Variants in MINAR1 observed in about 807,000 individuals in gnomAD.
The protein encoded by MINAR1 is membrane integral NOTCH2 associated receptor 1.
MINAR1 carries 40 observed loss-of-function variants against 65.1 expected under a neutral mutation model. The observed-to-expected ratio is 0.61, with a 90% CI of 0.48 to 0.80. MINAR1 has a LOEUF of 0.80. MINAR1 is among the 30% of genes least tolerant of loss of function. The probability of loss-of-function intolerance (pLI) is 0.00; values close to 1 mark genes in which losing one functional copy is unlikely to be tolerated. For synonymous variants in MINAR1, 482 were observed against 449.1 expected, an observed-to-expected ratio of 1.07 and a Z score of -0.93; for missense variants, 1,128 against 1,148.0, an observed-to-expected ratio of 0.98 and a Z score of 0.25.
At chr15:79,432,253 C>T (rs1045877061), upstream of MINAR1, among the ~76,000 whole-genome samples, 1 of 152,124 alleles carries the variant, frequency 6.6e-6, no homozygotes, top group African/African-American at 2.4e-5. Context: ...GTCCGAGCGC[C>T]CCCTTCAGCC....
intron 1 of MINAR1, among the ~76,000 whole-genome samples, chr15:79,454,204 T>G (rs1184270593): frequency 6.6e-6 from 1 of 152,180 alleles, no homozygotes; most frequent in Non-Finnish European, 1.5e-5. Context: ...GAACAGAACC[T>G]CTCAAGGGTT....
chr15:79,461,125 A>G (rs1421816874), intron 2 of MINAR1, among the ~76,000 whole-genome samples: 1 of 152,236 alleles, frequency 6.6e-6, no homozygotes, highest in Non-Finnish European at 1.5e-5. Flanking sequence ...TTTATTGAAA[A>G]TACGTATTAT....
intron 1 of MINAR1, among the ~76,000 whole-genome samples, chr15:79,450,578 G>T (rs2141287060): frequency 6.6e-6 from 1 of 151,690 alleles, no homozygotes; most frequent in South Asian, 2.1e-4. Context: ...CAGCCAATTT[G>T]TTATTCCCCT....
chr15:79,447,557 T>C (rs1291358325), intron 1 of MINAR1, among the ~76,000 whole-genome samples: 1 of 152,224 alleles, frequency 6.6e-6, no homozygotes, highest in Non-Finnish European at 1.5e-5. Flanking sequence ...TTGTGTGTTG[T>C]AATTTTTAAA....
intron 1 of MINAR1, among the ~76,000 whole-genome samples, chr15:79,449,579 A>C (rs1895127024): frequency 6.6e-6 from 1 of 152,210 alleles, no homozygotes; most frequent in Admixed American, 6.5e-5. Flanking sequence ...CATGAAACCC[A>C]TTCATTAGGG....
chr15:79,465,368 A>T (rs1895801985), intron 3 of MINAR1, among the ~76,000 whole-genome samples: 1 of 152,140 alleles, frequency 6.6e-6, no homozygotes, highest in Admixed American at 6.5e-5. Flanking sequence ...ATTCACCATC[A>T]GTGGTGCCCA....
rs1260311023 is a variant in MINAR1, at chr15:79,468,473, TGAAATG to T, written c.*92_*97del. 3.4e-6 allele frequency: 4 copies of T among 1,181,544 alleles called. No individual in the cohort carries two copies. Among genetic ancestry groups the T allele is most frequent in the African/African-American group, 1.5e-5 (1 of 65,238 alleles). The allele number at this position is 1,181,544 out of a possible 1,614,324, so 73.2% of individuals were successfully genotyped here. On this transcript the variant is annotated 3_prime_UTR_variant, in exon 4 of 4. Transcript: ENST00000305428. Reference sequence around the variant, plus strand: ...TTGCAGCAGTGAGGCAACAATTTGTTGAAATGGAGATGAAATCATGGAGGCATTTCT... The same window carrying T: ...TTGCAGCAGTGAGGCAACAATTTGTTGAGATGAAATCATGGAGGCATTTCT...
In MINAR1 at chr15:79,458,363, C is replaced by T; in HGVS notation, c.2216C>T (p.Thr739Ile). 1 of 1,614,196 alleles carries T rather than the reference C, an allele frequency of 6.2e-7. No individual in the cohort carries two copies. The highest frequency in any genetic ancestry group is 8.5e-7 in the Non-Finnish European group (1 of 1,180,034). ...AGAGACTGGCGCACCATCACTTATA[C>T]CAACCGTGTGGGCCTCAATGAGGAG... Reference protein sequence around the residue: ...SPRDWRTITYTNRVGLNEEEI... With the variant: ...SPRDWRTITYINRVGLNEEEI... The change falls in exon 2 of 4, where the codon ACC (threonine) becomes ATC (isoleucine). Residue 739 changes from threonine (T) to isoleucine (I), a missense_variant. Physicochemically the swap from Thr to Ile is moderately conservative, Grantham distance 89. Coordinates refer to ENST00000305428, the MANE Select transcript of MINAR1 (RefSeq NM_015206.3).
rs762959118 is a variant in MINAR1 at position 79,456,287 on chromosome 15, G to A, written c.140G>A (p.Arg47Lys). Residue 47 changes from arginine to lysine, a missense_variant, in exon 2 of 4, where the codon AGA (arginine) becomes AAA (lysine). By Grantham distance (26) the Arg-to-Lys change is conservative (BLOSUM62 2). Coordinates refer to ENST00000305428, the MANE Select transcript of MINAR1 (RefSeq NM_015206.3). ...GACCTGTCGCAGCTTGCCAAACTGA[G>A]AAGTGTGCTCTTCTACACAGCTTGT... The part of the protein sequence containing the change: ...RFDLSQLAKL[R>K]SVLFYTACLD... The A allele has an allele frequency of 8.1e-6, 13 of 1,614,070 alleles. No individual in the cohort carries two copies. In the East Asian group the frequency reaches 2.9e-4, roughly 36 times the overall value.
chr15:79,468,484 TG>T lies in MINAR1; in HGVS notation c.*101del. 9.3e-7 allele frequency: 1 copy of T among 1,076,750 alleles called. No individual in the cohort carries two copies. The highest frequency in any genetic ancestry group is 2.6e-5 in the East Asian group (1 of 39,028). The allele number at this position is 1,076,750 out of a possible 1,614,324, so 66.7% of individuals were successfully genotyped here. A position where few individuals can be genotyped will look rare whatever the true frequency, so the allele number is the denominator to read the frequency against. Reference sequence around the variant, plus strand: ...AGGCAACAATTTGTTGAAATGGAGATGAAATCATGGAGGCATTTCTACAAAT... The same window carrying T: ...AGGCAACAATTTGTTGAAATGGAGATAAATCATGGAGGCATTTCTACAAAT... On this transcript the variant is annotated 3_prime_UTR_variant, in exon 4 of 4. Transcript: ENST00000305428.
intron 2 of MINAR1, 54 bp from the exon 3 acceptor site, chr15:79,463,013 G>A (rs763452817): frequency 8.9e-5 from 139 of 1,567,730 alleles, no homozygotes; most frequent in Non-Finnish European, 1.1e-4. Flanking sequence ...ATTGCACTGT[G>A]AAATCCAAGG....
chr15:79,460,765 C>G (rs939690934), intron 2 of MINAR1, among the ~76,000 whole-genome samples: 9 of 152,216 alleles, frequency 5.9e-5, no homozygotes, highest in Non-Finnish European at 1.3e-4. Flanking sequence ...CTTCACAACC[C>G]TGTGAATGTA....
Position 79,457,868 on chromosome 15 carries a change from G to A in MINAR1, c.1721G>A (p.Ser574Asn). 1 of 1,614,108 alleles carries A rather than the reference G, an allele frequency of 6.2e-7. No homozygotes were observed. Among genetic ancestry groups the A allele is most frequent in the Non-Finnish European group, 8.5e-7 (1 of 1,180,040 alleles). The stretch of plus-strand genomic sequence containing the variant: ...AAAATTGCCAATGGGGTCCCCAACA[G>A]CAAGGGAGACAAGGGCAACCGGCCT... ...LTKIANGVPN[S>N]KGDKGNRPEN... The change falls in exon 2 of 4, where the codon AGC becomes AAC. Residue 574 changes from serine to asparagine, a missense_variant. Ser to Asn is a conservative substitution (Grantham distance 46, BLOSUM62 1). Transcript: ENST00000305428.
chr15:79,455,422 AACTT>A (rs1184361102), intron 1 of MINAR1, among the ~76,000 whole-genome samples: 1 of 152,168 alleles, frequency 6.6e-6, no homozygotes, highest in Admixed American at 6.5e-5. Context: ...TGTACAGTAA[AACTT>A]ACACTTTCTA....
upstream of MINAR1, among the ~76,000 whole-genome samples, chr15:79,429,653 T>C (rs1894393980): frequency 2.0e-5 from 3 of 152,246 alleles, no homozygotes; most frequent in Non-Finnish European, 4.4e-5. Flanking sequence ...TTTTTTAAAC[T>C]ACTTATCCTG....
rs1567057278 is a variant in MINAR1, at chr15:79,456,380, CAAAG to C, written c.237_240del (p.Lys80SerfsTer8). The C allele has an allele frequency of 1.2e-6, 2 of 1,614,188 alleles. No homozygotes were observed. Among genetic ancestry groups the C allele is most frequent in the South Asian group, 1.1e-5 (1 of 91,078 alleles). Reference sequence around the variant, plus strand: ...AAATGCACTGTGAATAACCAGCAATCAAAGAAAATCATGGTGGCAGCAGATATTG... The same window carrying C: ...AAATGCACTGTGAATAACCAGCAATCAAAATCATGGTGGCAGCAGATATTG... On this transcript the variant is annotated frameshift_variant, in exon 2 of 4. Coordinates refer to ENST00000305428, the MANE Select transcript of MINAR1 (RefSeq NM_015206.3). LOFTEE classifies it high-confidence loss of function.
intron 1 of MINAR1, among the ~76,000 whole-genome samples, chr15:79,452,566 G>T (rs1358943064): frequency 1.3e-5 from 2 of 151,276 alleles, no homozygotes; most frequent in Non-Finnish European, 3.0e-5. Context: ...GTCTGTGTGT[G>T]TGAGTGTATG....
At chr15:79,445,581 T>C (rs930600514) in intron 1 of MINAR1, among the ~76,000 whole-genome samples, 1 of 148,688 alleles carries the variant, frequency 6.7e-6, no homozygotes, top group African/African-American at 2.5e-5. Flanking sequence ...GGAGTTTTGC[T>C]CTTGTTGCCC....
intron 2 of MINAR1, among the ~76,000 whole-genome samples, chr15:79,459,784 T>A (rs1339597206): frequency 2.0e-5 from 3 of 152,196 alleles, no homozygotes; most frequent in Non-Finnish European, 4.4e-5. Context: ...GTTACTGCTG[T>A]GTGCTTCTGG....
Sources: gnomAD v4.1 joint callset for allele counts (sites outside exome capture counted in the v4.1 genomes callset) on GRCh38, gnomAD v4.1.1 for gene constraint, MANE v1.5 for transcripts, NCBI Gene and HGNC (gene_info 2026-07-23, HGNC 2026-07-21) for gene names.